NCALD: variants seen among roughly 807,000 people sequenced by gnomAD.
NCALD encodes the protein neurocalcin-delta.
A neutral mutation model predicts 18.6 loss-of-function variants in NCALD; 10 were observed. The observed-to-expected ratio is 0.54, with a 90% CI of 0.33 to 0.91. The LOEUF (loss-of-function observed/expected upper bound fraction) is 0.91, where lower values mean the gene tolerates loss of function less well. NCALD is among the 40% of genes least tolerant of loss of function. The probability of loss-of-function intolerance (pLI) is 0.03; values close to 1 mark genes in which losing one functional copy is unlikely to be tolerated. For synonymous variants in NCALD, 88 were observed against 87.4 expected (o/e 1.01, Z -0.04); for missense variants, 184 against 247.6 (o/e 0.74, Z 1.72).
intron 2 of NCALD, among the ~76,000 whole-genome samples, chr8:101,707,189 T>C (rs1815568951): frequency 6.6e-6 from 1 of 152,194 alleles, no homozygotes; most frequent in African/African-American, 2.4e-5. Flanking sequence ...ATATTAAAAG[T>C]GACAGAGTGT....
chr8:101,844,015 G>A (rs902145481), intron 4 of NCALD, among the ~76,000 whole-genome samples: 2 of 152,190 alleles, frequency 1.3e-5, no homozygotes, highest in African/African-American at 4.8e-5. Context: ...ATACTGGCTT[G>A]CCAGTCTTTT....
intron 1 of NCALD, among the ~76,000 whole-genome samples, chr8:102,081,627 T>G (rs528564072): frequency 6.7e-6 from 1 of 150,010 alleles, no homozygotes; most frequent in Admixed American, 6.6e-5. Flanking sequence ...TTCCGAACTC[T>G]GCAATTCTCC....
chr8:101,846,029 T>A (rs1814854332), intron 4 of NCALD, among the ~76,000 whole-genome samples: 1 of 152,250 alleles, frequency 6.6e-6, no homozygotes, highest in African/African-American at 2.4e-5. Context: ...TATGGCTAAA[T>A]AATATTCCAT....
chr8:102,121,502 GC>G (rs1405033197), intron 1 of NCALD, among the ~76,000 whole-genome samples: 10 of 152,202 alleles, frequency 6.6e-5, no homozygotes, highest in Non-Finnish European at 1.3e-4. Context: ...CCAATACCAG[GC>G]AATCTGAAAT....
intron 1 of NCALD, among the ~76,000 whole-genome samples, chr8:102,052,930 A>G (rs1195533041): frequency 6.6e-6 from 1 of 152,208 alleles, no homozygotes; most frequent in Non-Finnish European, 1.5e-5. Flanking sequence ...TTCCCCAGCC[A>G]TTTAAAAATG....
intron 3 of NCALD, among the ~76,000 whole-genome samples, chr8:101,896,470 C>G (rs570686314): frequency 1.0e-3 from 157 of 152,060 alleles, no homozygotes; most frequent in East Asian, 7.5e-3. Context: ...GACTTCATGT[C>G]TAAAACACCA....
intron 1 of NCALD, among the ~76,000 whole-genome samples, chr8:101,773,824 GC>G (rs1311098685): frequency 1.3e-5 from 2 of 152,142 alleles, no homozygotes; most frequent in Non-Finnish European, 2.9e-5. Context: ...AAAAACACGT[GC>G]TTTCTCAGAG....
chr8:102,066,921 A>G (rs1056037228), intron 1 of NCALD, among the ~76,000 whole-genome samples: 7 of 152,152 alleles, frequency 4.6e-5, no homozygotes, highest in Admixed American at 3.3e-4. Flanking sequence ...AGCTTCCTCT[A>G]AGCTCTACCC....
At chr8:101,869,780 T>G (rs1177444530) in intron 4 of NCALD, among the ~76,000 whole-genome samples, 1 of 152,228 alleles carries the variant, frequency 6.6e-6, no homozygotes, top group African/African-American at 2.4e-5. Context: ...TGACCAAAAT[T>G]GTAGGTATTG....
intron 4 of NCALD, among the ~76,000 whole-genome samples, chr8:101,879,934 T>G (rs1816410049): frequency 6.6e-6 from 1 of 152,172 alleles, no homozygotes; most frequent in Non-Finnish European, 1.5e-5. Context: ...ATCACCCTGC[T>G]AGGGCCGCAG....
intron 1 of NCALD, among the ~76,000 whole-genome samples, chr8:101,775,317 C>T (rs991692819): frequency 3.9e-5 from 6 of 152,130 alleles, no homozygotes; most frequent in East Asian, 1.9e-4. Context: ...ATGTGCCAAC[C>T]GCACATGTGC....
intron 1 of NCALD, among the ~76,000 whole-genome samples, chr8:101,770,561 G>C (rs1811542244): frequency 6.6e-6 from 1 of 152,208 alleles, no homozygotes; most frequent in African/African-American, 2.4e-5. Context: ...AGGCTGGCAA[G>C]TAGTTGCTAC....
intron 1 of NCALD, among the ~76,000 whole-genome samples, chr8:102,030,445 T>C (rs947613252): frequency 6.6e-6 from 1 of 152,234 alleles, no homozygotes; most frequent in Non-Finnish European, 1.5e-5. Context: ...CCATTAAAAA[T>C]GCTTAAGTCC....
chr8:102,081,043 G>A (rs1181305388), intron 1 of NCALD, among the ~76,000 whole-genome samples: 2 of 152,098 alleles, frequency 1.3e-5, no homozygotes, highest in Non-Finnish European at 2.9e-5. Flanking sequence ...TCCGATTCAT[G>A]GACCCCTCTT....
At chr8:101,742,390 C>T (rs1412431346) in intron 1 of NCALD, among the ~76,000 whole-genome samples, 1 of 152,116 alleles carries the variant, frequency 6.6e-6, no homozygotes, top group East Asian at 1.9e-4. Flanking sequence ...TTATGATGTG[C>T]AACAATGTAT....
intron 2 of NCALD, among the ~76,000 whole-genome samples, chr8:101,957,460 C>T (rs183735257): frequency 6.5e-4 from 98 of 151,766 alleles, no homozygotes; most frequent in African/African-American, 1.9e-3. Flanking sequence ...CATCCTGATG[C>T]CAAATGAAAG....
intron 1 of NCALD, among the ~76,000 whole-genome samples, chr8:101,749,846 G>A (rs2387618): frequency 0.66 from 99,558 of 151,980 alleles, 34,288 homozygotes; most frequent in Non-Finnish European, 0.76. Context: ...GCAGAAATCC[G>A]GCACCCTCTT....
At chr8:101,699,720 A>G (rs962388710) in intron 2 of NCALD, among the ~76,000 whole-genome samples, 1 of 152,114 alleles carries the variant, frequency 6.6e-6, no homozygotes, top group Admixed American at 6.6e-5. Context: ...ATGAGAACAC[A>G]TGGACACAGG....
At chr8:101,713,753 G>C (rs1040729879) in intron 2 of NCALD, among the ~76,000 whole-genome samples, 1 of 152,144 alleles carries the variant, frequency 6.6e-6, no homozygotes, top group Non-Finnish European at 1.5e-5. Flanking sequence ...TCCCTGAATA[G>C]ACGAATAACA....
Sources: allele counts gnomAD v4.1 joint callset (sites outside exome capture counted in the v4.1 genomes callset), GRCh38; gene constraint gnomAD v4.1.1; transcripts MANE v1.5; gene names NCBI Gene and HGNC (gene_info 2026-07-23, HGNC 2026-07-21).